PRMT8: variants seen among roughly 807,000 people sequenced by gnomAD.
PRMT8 encodes protein arginine N-methyltransferase 8.
A neutral mutation model predicts 47.1 loss-of-function variants in PRMT8; 7 were observed. The ratio of observed to expected loss-of-function variants is 0.15; its 90% CI spans 0.08 to 0.28. PRMT8 has a LOEUF of 0.28. Ranked by LOEUF, PRMT8 falls within the 10% of genes least tolerant of loss-of-function variation. The pLI, the probability that PRMT8 is intolerant of heterozygous loss-of-function variation, is 1.00. For synonymous variants in PRMT8, 188 were observed against 186.5 expected, an observed-to-expected ratio of 1.01 and a Z score of -0.07; for missense variants, 237 against 505.4, an observed-to-expected ratio of 0.47 and a Z score of 5.09.
chr12:3,387,952 T>C (rs990925863), intron 1 of PRMT8, among the ~76,000 whole-genome samples: 4 of 152,168 alleles, frequency 2.6e-5, no homozygotes, highest in African/African-American at 9.7e-5. Context: ...AAAGTTAACA[T>C]TAAAATAATT....
intron 1 of PRMT8, among the ~76,000 whole-genome samples, chr12:3,512,412 T>G (rs977869333): frequency 5.3e-5 from 8 of 152,166 alleles, no homozygotes; most frequent in Non-Finnish European, 8.8e-5. Flanking sequence ...TTGCAGGCAC[T>G]TTAAATTCAA....
chr12:3,507,659 A>G (rs1865651501), intron 1 of PRMT8, among the ~76,000 whole-genome samples: 1 of 152,176 alleles, frequency 6.6e-6, no homozygotes. Flanking sequence ...ACAGGTACAT[A>G]GTAGAAAATT....
At chr12:3,586,126 A>G (rs1867167362) in intron 8 of PRMT8, among the ~76,000 whole-genome samples, 1 of 152,048 alleles carries the variant, frequency 6.6e-6, no homozygotes, top group Admixed American at 6.5e-5. Flanking sequence ...ATGATCTATT[A>G]ATATTTCTAG....
chr12:3,387,592 G>A (rs945150215), intron 1 of PRMT8, among the ~76,000 whole-genome samples: 1 of 152,086 alleles, frequency 6.6e-6, no homozygotes, highest in Non-Finnish European at 1.5e-5. Context: ...ATCAAATCAA[G>A]AGATCACCAT....
Position 3,508,041 on chromosome 12 carries a change from T to G in PRMT8, c.75+16341T>G, listed in dbSNP as rs1257093464. 1.3e-5 allele frequency among the ~76,000 whole-genome samples: 2 copies of G among 152,254 alleles called. No homozygotes were observed. Among genetic ancestry groups the G allele is most frequent in the African/African-American group, 4.8e-5 (2 of 41,464 alleles). On this transcript the variant is annotated intron_variant, in intron 1 of 9. Coordinates refer to ENST00000382622, the MANE Select transcript of PRMT8 (RefSeq NM_019854.5). The surrounding 1 kb of genome is among the most constrained non-coding windows in gnomAD (Gnocchi z 4.9). Reference sequence around the variant, plus strand: ...TCTCACTTTCATCCCTGTGGGATTATAAATCCCATTTTATAGGCTGGCCAT... The same window carrying G: ...TCTCACTTTCATCCCTGTGGGATTAGAAATCCCATTTTATAGGCTGGCCAT...
In PRMT8 at chr12:3,492,211, G is replaced by A. The variant is rs1361899959; in HGVS notation, c.75+511G>A. On this transcript the variant is annotated intron_variant, in intron 1 of 9. Coordinates refer to ENST00000382622, the MANE Select transcript of PRMT8 (RefSeq NM_019854.5). This position sits in a 1 kb window ranked among gnomAD's most constrained non-coding sequence, Gnocchi z 7.5. Reference sequence around the variant, plus strand: ...TCCCGAGCTCTCCGTCCCCGCAGCCGCGCGGAGAGCCCCCGGCCGCGGGGG... The same window carrying A: ...TCCCGAGCTCTCCGTCCCCGCAGCCACGCGGAGAGCCCCCGGCCGCGGGGG... Among the ~76,000 whole-genome samples, 5 of 152,042 alleles carry A rather than the reference G, an allele frequency of 3.3e-5. No individual in the cohort carries two copies. The highest frequency in any genetic ancestry group is 2.9e-5 in the Non-Finnish European group (2 of 67,972).
chr12:3,541,193 T>C (rs1445168445), intron 2 of PRMT8, among the ~76,000 whole-genome samples: 1 of 152,228 alleles, frequency 6.6e-6, no homozygotes, highest in East Asian at 1.9e-4. Context: ...TCAGAGGTCA[T>C]GATGTGCATT....
chr12:3,529,625 T>C (rs1865998366), intron 1 of PRMT8, among the ~76,000 whole-genome samples: 1 of 152,352 alleles, frequency 6.6e-6, no homozygotes, highest in South Asian at 2.1e-4. Flanking sequence ...TAGATGGGTT[T>C]GCTAGAATTA....
At chr12:3,561,960 A>G (rs1591603698) in intron 4 of PRMT8, among the ~76,000 whole-genome samples, 1 of 152,304 alleles carries the variant, frequency 6.6e-6, no homozygotes, top group East Asian at 1.9e-4. Flanking sequence ...TGACTGTGAA[A>G]GTTTCAGTAA....
Position 3,453,989 on chromosome 12 carries a change from C to T in PRMT8, c.48+72547C>T, listed in dbSNP as rs1864947965. ...GAGAAGCAGCGACGTGCTCGGGTCACCTCAGGGCGGAGGGTTTGCAGGAAG... is the reference window on the plus strand; with the variant it reads ...GAGAAGCAGCGACGTGCTCGGGTCATCTCAGGGCGGAGGGTTTGCAGGAAG... On this transcript the variant is annotated intron_variant, in intron 1 of 9. Transcript: ENST00000452611. The surrounding 1 kb of genome is among the most constrained non-coding windows in gnomAD (Gnocchi z 4.9). 6.6e-6 allele frequency among the ~76,000 whole-genome samples: 1 copy of T among 152,170 alleles called. No individual in the cohort carries two copies. Among genetic ancestry groups the T allele is most frequent in the African/African-American group, 2.4e-5 (1 of 41,446 alleles).
At chr12:3,544,101 G>A (rs1866283162) in intron 2 of PRMT8, among the ~76,000 whole-genome samples, 1 of 152,178 alleles carries the variant, frequency 6.6e-6, no homozygotes, top group South Asian at 2.1e-4. Context: ...TTTGTCAATG[G>A]GCAGTCATAT....
chr12:3,543,797 A>C (rs1353987620), intron 2 of PRMT8, among the ~76,000 whole-genome samples: 1 of 152,174 alleles, frequency 6.6e-6, no homozygotes, highest in Non-Finnish European at 1.5e-5. Flanking sequence ...TCTGGGAAAC[A>C]TGGAATCTTG....
chr12:3,433,992 C>T (rs780174805), intron 1 of PRMT8, among the ~76,000 whole-genome samples: 2 of 152,002 alleles, frequency 1.3e-5, no homozygotes, highest in Non-Finnish European at 2.9e-5. Context: ...CAGACATTCA[C>T]AAAAAAACTG....
At chr12:3,432,073 G>C (rs1281025837) in intron 1 of PRMT8, among the ~76,000 whole-genome samples, 1 of 152,142 alleles carries the variant, frequency 6.6e-6, no homozygotes, top group Non-Finnish European at 1.5e-5. Flanking sequence ...CCCCCTAGAA[G>C]GGGTTGCGAG....
rs1319316339 is a variant in PRMT8, at chr12:3,508,790, G to A, written c.75+17090G>A. 1.3e-5 allele frequency among the ~76,000 whole-genome samples: 2 copies of A among 152,176 alleles called. No homozygotes were observed. The highest frequency in any genetic ancestry group is 2.9e-5 in the Non-Finnish European group (2 of 68,032). On this transcript the variant is annotated intron_variant, in intron 1 of 9. Transcript: ENST00000382622. This position sits in a 1 kb window ranked among gnomAD's most constrained non-coding sequence, Gnocchi z 4.9. ...TGCCTGCCTGCGGGACATCTTCACT[G>A]AGATGTCTCATAGGCACCTCAGGTT...
At chr12:3,560,556 G>A (rs1241800985) in intron 4 of PRMT8, among the ~76,000 whole-genome samples, 1 of 152,222 alleles carries the variant, frequency 6.6e-6, no homozygotes, top group Non-Finnish European at 1.5e-5. Context: ...GCTTAAAAAG[G>A]TAGATTCATT....
chr12:3,412,760 G>A (rs937907298), intron 1 of PRMT8, among the ~76,000 whole-genome samples: 2 of 152,100 alleles, frequency 1.3e-5, no homozygotes, highest in African/African-American at 4.8e-5. Context: ...ACTGAATTAT[G>A]GATGCGTTCC....
Position 3,583,349 on chromosome 12 carries a change from T to A in PRMT8, c.979+141T>A. 1 of 915,062 alleles carries A rather than the reference T, an allele frequency of 1.1e-6. No individual in the cohort carries two copies. Among genetic ancestry groups the A allele is most frequent in the Non-Finnish European group, 1.6e-6 (1 of 619,408 alleles). 56.7% of individuals were successfully genotyped at this position (915,062 alleles called of 1,614,324 possible). A position where few individuals can be genotyped will look rare whatever the true frequency, so the allele number is the denominator to read the frequency against. On this transcript the variant is annotated intron_variant, in intron 8 of 9. Coordinates refer to ENST00000382622, the MANE Select transcript of PRMT8 (RefSeq NM_019854.5). The surrounding 1 kb of genome is among the most constrained non-coding windows in gnomAD (Gnocchi z 4.7). ...GACACCTATCAACCCTCTCCAGCCA[T>A]GGAGGAACCATGCATCCCTATATTT...
intron 2 of PRMT8, among the ~76,000 whole-genome samples, chr12:3,549,198 C>T (rs969030421): frequency 6.6e-6 from 1 of 152,164 alleles, no homozygotes; most frequent in African/African-American, 2.4e-5. Context: ...GTGGTGCTTA[C>T]ACAGGTATAC....
Sources: gnomAD v4.1 joint callset for allele counts (sites outside exome capture counted in the v4.1 genomes callset) on GRCh38, gnomAD v4.1.1 for gene constraint, Gnocchi (gnomAD v3.1) non-coding constraint, MANE v1.5 for transcripts, NCBI Gene and HGNC (gene_info 2026-07-23, HGNC 2026-07-21) for gene names.